The following NAALADL2 variants were observed in gnomAD, a reference collection of about 807,000 sequenced individuals.
NAALADL2 encodes N-acetylated alpha-linked acidic dipeptidase like 2, also known as inactive N-acetylated-alpha-linked acidic dipeptidase-like protein 2.
In NAALADL2, 76 loss-of-function variants were observed where a neutral mutation model predicts 87.2. The observed-to-expected ratio is 0.87, with a 90% CI of 0.72 to 1.05. The LOEUF is 1.05. NAALADL2 is among the 50% of genes least tolerant of loss of function. NAALADL2 has a pLI of 0.00. For synonymous variants in NAALADL2, 354 were observed against 331.0 expected, an observed-to-expected ratio of 1.07 and a Z score of -0.75; for missense variants, 1,089 against 945.8, an observed-to-expected ratio of 1.15 and a Z score of -1.99.
chr3:174,684,581 AT>A (rs2108835822), intron 2 of NAALADL2, among the ~76,000 whole-genome samples: 1 of 152,250 alleles, frequency 6.6e-6, no homozygotes, highest in Admixed American at 6.5e-5. Context: ...TTCCATACTC[AT>A]TTAAGTAAAC....
At chr3:175,778,402 C>T (rs1429804641) in intron 13 of NAALADL2, among the ~76,000 whole-genome samples, 2 of 152,172 alleles carry the variant, frequency 1.3e-5, no homozygotes, top group African/African-American at 4.8e-5. Context: ...TGTACTTGGC[C>T]TAGCAGTGTC....
At chr3:174,568,773 T>A (rs1190414115) in intron 2 of NAALADL2, among the ~76,000 whole-genome samples, 1 of 151,776 alleles carries the variant, frequency 6.6e-6, no homozygotes, top group Non-Finnish European at 1.5e-5. Flanking sequence ...TAACCTTAGG[T>A]ACAATTGCTG....
At chr3:175,299,677 G>C (rs1420957408) in intron 4 of NAALADL2, among the ~76,000 whole-genome samples, 1 of 152,166 alleles carries the variant, frequency 6.6e-6, no homozygotes, top group African/African-American at 2.4e-5. Context: ...TTGCTTATCA[G>C]CTTAAGGAGT....
At chr3:174,550,036 T>C (rs1711936298) in intron 1 of NAALADL2, among the ~76,000 whole-genome samples, 1 of 152,166 alleles carries the variant, frequency 6.6e-6, no homozygotes, top group South Asian at 2.1e-4. Context: ...CTTGAGATCA[T>C]ATTGTTTTAT....
chr3:174,555,148 G>GA (rs1258817201), intron 2 of NAALADL2, among the ~76,000 whole-genome samples: 1 of 152,208 alleles, frequency 6.6e-6, no homozygotes, highest in East Asian at 1.9e-4. Context: ...ATAGCAGGGA[G>GA]AAAAAATAGT....
chr3:175,535,066 C>T (rs550813089), intron 9 of NAALADL2, among the ~76,000 whole-genome samples: 2 of 152,160 alleles, frequency 1.3e-5, no homozygotes, highest in Non-Finnish European at 2.9e-5. Flanking sequence ...ATTATTAGAG[C>T]AATCAGATTC....
At chr3:174,579,898 A>G (rs1457057556) in intron 2 of NAALADL2, among the ~76,000 whole-genome samples, 1 of 152,040 alleles carries the variant, frequency 6.6e-6, no homozygotes, top group African/African-American at 2.4e-5. Context: ...ATGTAGACAT[A>G]GTATTTACTT....
At chr3:175,600,018 A>G (rs956494123) in intron 10 of NAALADL2, among the ~76,000 whole-genome samples, 1 of 152,104 alleles carries the variant, frequency 6.6e-6, no homozygotes, top group Non-Finnish European at 1.5e-5. Flanking sequence ...TATCAGGTAT[A>G]TCATACACAA....
intron 1 of NAALADL2, among the ~76,000 whole-genome samples, chr3:175,011,286 G>GAC (rs1460900824): frequency 3.1e-5 from 4 of 129,514 alleles, no homozygotes; most frequent in Non-Finnish European, 6.7e-5. Flanking sequence ...GAGACAGAGA[G>GAC]AGAGAGAGAG....
At chr3:174,717,897 G>A (rs538238109) in intron 2 of NAALADL2, among the ~76,000 whole-genome samples, 2 of 152,000 alleles carry the variant, frequency 1.3e-5, no homozygotes, top group Admixed American at 6.6e-5. Context: ...AGGCTGAGGC[G>A]GGCAGATCAC....
At chr3:174,932,720 C>T (rs1211363124) in intron 1 of NAALADL2, among the ~76,000 whole-genome samples, 1 of 152,174 alleles carries the variant, frequency 6.6e-6, no homozygotes, top group Non-Finnish European at 1.5e-5. Flanking sequence ...TAAACTTTAA[C>T]ACTGCTTAAA....
At chr3:175,182,550 GTTTTTTTTTTTTTTTT>G (rs1161831796) in intron 2 of NAALADL2, among the ~76,000 whole-genome samples, 2 of 69,440 alleles carry the variant, frequency 2.9e-5, no homozygotes, top group African/African-American at 6.0e-5. Flanking sequence ...ACCACAGCCA[GTTTTTTTTTTTTTTTT>G]TTTTTTTTTT....
chr3:175,728,040 C>T (rs760215907), intron 11 of NAALADL2, among the ~76,000 whole-genome samples: 3 of 152,072 alleles, frequency 2.0e-5, no homozygotes, highest in South Asian at 2.1e-4. Flanking sequence ...TATAAGTTCT[C>T]GCTTTACTAA....
chr3:175,039,470 G>A (rs9837420), intron 1 of NAALADL2, among the ~76,000 whole-genome samples: 31,399 of 152,028 alleles, frequency 0.21, 3,405 homozygotes, highest in East Asian at 0.38. Context: ...GCTCTTCCAC[G>A]TTCACTCAGA....
intron 1 of NAALADL2, among the ~76,000 whole-genome samples, chr3:175,007,150 T>TTAA (rs1349127659): frequency 2.8e-5 from 2 of 70,342 alleles, no homozygotes; most frequent in Non-Finnish European, 3.7e-5. Flanking sequence ...TTTTATAGGA[T>TTAA]AAAAAAAAAA....
At position 174,815,830 on chromosome 3, in the gene NAALADL2, GTTTTT is replaced by G. The variant is rs10589968; in HGVS notation, c.-9+78107_-9+78111del. 9.3e-3 allele frequency among the ~76,000 whole-genome samples: 1,071 copies of G among 115,220 alleles called. 19 individuals are homozygous for G. The highest frequency in any genetic ancestry group is 0.028 in the African/African-American group (985 of 34,620). 75.6% of individuals were successfully genotyped at this position (115,220 alleles called of 152,430 possible). On this transcript the variant is annotated intron_variant, in intron 3 of 3. Transcript: ENST00000434257. The stretch of plus-strand genomic sequence containing the variant: ...CTGAAAGCAGCTAAATTTGACTTTA[GTTTTT>G]TTTTTTTTTTTTTTTTTTTTTTAAG...
At chr3:174,670,675 T>G (rs2108800901) in intron 2 of NAALADL2, among the ~76,000 whole-genome samples, 1 of 152,208 alleles carries the variant, frequency 6.6e-6, no homozygotes, top group African/African-American at 2.4e-5. Context: ...TGTAGGAAAT[T>G]ATTGATTTTT....
chr3:175,031,838 C>A (rs561967460), intron 1 of NAALADL2, among the ~76,000 whole-genome samples: 2 of 151,588 alleles, frequency 1.3e-5, no homozygotes, highest in African/African-American at 4.8e-5. Context: ...TATCTCATTG[C>A]GGTTTTGATT....
At chr3:175,637,572 G>A (rs1175957168) in intron 11 of NAALADL2, among the ~76,000 whole-genome samples, 3 of 151,982 alleles carry the variant, frequency 2.0e-5, no homozygotes, top group African/African-American at 4.8e-5. Context: ...CAATAGCATG[G>A]CACCTCCCCA....
Sources: gnomAD v4.1 joint callset for allele counts (sites outside exome capture counted in the v4.1 genomes callset) on GRCh38, gnomAD v4.1.1 for gene constraint, MANE v1.5 for transcripts, NCBI Gene and HGNC (gene_info 2026-07-23, HGNC 2026-07-21) for gene names.